The following PDE1A variants were observed in gnomAD, a reference collection of about 807,000 sequenced individuals.
PDE1A encodes dual specificity calcium/calmodulin-dependent 3',5'-cyclic nucleotide phosphodiesterase 1A.
A neutral mutation model predicts 61.7 loss-of-function variants in PDE1A; 35 were observed. The ratio of observed to expected loss-of-function variants is 0.57; its 90% CI spans 0.43 to 0.75. The LOEUF is 0.75. PDE1A is among the 30% of genes least tolerant of loss of function. The pLI is 0.00. For missense variants in PDE1A, 597 were observed against 630.6 expected, an observed-to-expected ratio of 0.95 and a Z score of 0.57; for synonymous variants, 232 against 213.2, an observed-to-expected ratio of 1.09 and a Z score of -0.77.
chr2:182,594,170 CA>C, the PDE1A span, among the ~76,000 whole-genome samples: 2 of 152,158 alleles, frequency 1.3e-5, no homozygotes, highest in African/African-American at 4.8e-5. Flanking sequence ...ATATTTTAAA[CA>C]ACCTAGTCCT....
intron 1 of PDE1A, among the ~76,000 whole-genome samples, chr2:182,365,830 C>T (rs370675414): frequency 1.3e-5 from 2 of 152,088 alleles, no homozygotes; most frequent in African/African-American, 4.8e-5. Context: ...CTCCATGTAA[C>T]TGAAATCAAA....
At chr2:182,304,237 C>T (rs184097747) in intron 1 of PDE1A, among the ~76,000 whole-genome samples, 89 of 152,292 alleles carry the variant, frequency 5.8e-4, no homozygotes, top group African/African-American at 1.7e-3. Context: ...CAAAATTCTT[C>T]TTCTGCAGCT....
At chr2:182,170,537 T>C (rs995439160) in intron 13 of PDE1A, among the ~76,000 whole-genome samples, 2 of 152,026 alleles carry the variant, frequency 1.3e-5, no homozygotes, top group African/African-American at 4.8e-5. Context: ...TCCTACCGCA[T>C]AGCTATACCA....
At chr2:182,418,267 A>C (rs545296512) in intron 1 of PDE1A, among the ~76,000 whole-genome samples, 2 of 152,224 alleles carry the variant, frequency 1.3e-5, no homozygotes, top group African/African-American at 4.8e-5. Context: ...ACACTTGGTA[A>C]AAATCAATTA....
chr2:182,293,888 G>A (rs901195727), intron 1 of PDE1A, among the ~76,000 whole-genome samples: 2 of 152,150 alleles, frequency 1.3e-5, no homozygotes, highest in Admixed American at 6.5e-5. Flanking sequence ...GTAGTGTTAA[G>A]CTACTAATGA....
chr2:182,269,604 G>A (rs553679318), intron 1 of PDE1A, among the ~76,000 whole-genome samples: 3 of 151,972 alleles, frequency 2.0e-5, no homozygotes, highest in African/African-American at 2.4e-5. Context: ...CTCATTCTAG[G>A]TGACCAAATT....
chr2:182,531,519 T>C, the PDE1A span, among the ~76,000 whole-genome samples: 3 of 152,122 alleles, frequency 2.0e-5, no homozygotes, highest in Non-Finnish European at 4.4e-5. Flanking sequence ...TTTAAGTTCA[T>C]TAAGAAGATA....
At chr2:182,387,620 G>T (rs1701190276) in intron 1 of PDE1A, among the ~76,000 whole-genome samples, 1 of 152,064 alleles carries the variant, frequency 6.6e-6, no homozygotes, top group Admixed American at 6.5e-5. Flanking sequence ...AGCCAGGTGT[G>T]GTGGCGCAAG....
the PDE1A span, among the ~76,000 whole-genome samples, chr2:182,708,097 T>C: frequency 1.9e-4 from 29 of 152,278 alleles, no homozygotes; most frequent in African/African-American, 6.7e-4. Context: ...ATATTATATA[T>C]ATGTACCAAA....
At chr2:182,263,302 C>A (rs1312485507) in intron 2 of PDE1A, among the ~76,000 whole-genome samples, 1 of 152,036 alleles carries the variant, frequency 6.6e-6, no homozygotes, top group Non-Finnish European at 1.5e-5. Context: ...CTCCTGGGGA[C>A]CATTTGTGGG....
intron 2 of PDE1A, among the ~76,000 whole-genome samples, chr2:182,516,083 CA>C (rs1443549353): frequency 4.0e-5 from 6 of 151,682 alleles, no homozygotes; most frequent in Non-Finnish European, 1.5e-5. Flanking sequence ...GCTACTGTAA[CA>C]AATTTACCAC....
At chr2:182,644,932 T>A in the PDE1A span, among the ~76,000 whole-genome samples, 1 of 151,932 alleles carries the variant, frequency 6.6e-6, no homozygotes, top group African/African-American at 2.4e-5. Context: ...AGTATAGTAA[T>A]TTAAAATGAA....
At chr2:182,302,115 T>C (rs1695282683) in intron 1 of PDE1A, among the ~76,000 whole-genome samples, 1 of 152,142 alleles carries the variant, frequency 6.6e-6, no homozygotes, top group Non-Finnish European at 1.5e-5. Context: ...TTAATAGTGG[T>C]AGGCTGGATT....
At chr2:182,657,178 G>A in the PDE1A span, among the ~76,000 whole-genome samples, 19 of 152,134 alleles carry the variant, frequency 1.2e-4, no homozygotes, top group African/African-American at 3.9e-4. Flanking sequence ...AGCCAAGGTC[G>A]CGCCACTGCA....
intron 10 of PDE1A, among the ~76,000 whole-genome samples, chr2:182,189,755 C>T (rs914156482): frequency 4.6e-5 from 7 of 152,146 alleles, no homozygotes; most frequent in African/African-American, 1.7e-4. Context: ...TTTTCATCTT[C>T]TAAAACAAAG....
At chr2:182,528,459 A>C in the PDE1A span, among the ~76,000 whole-genome samples, 4 of 152,234 alleles carry the variant, frequency 2.6e-5, no homozygotes, top group East Asian at 1.9e-4. Flanking sequence ...AAAAGCATTC[A>C]GTTTTAAAAG....
chr2:182,655,120 A>G, the PDE1A span, among the ~76,000 whole-genome samples: 1 of 152,222 alleles, frequency 6.6e-6, no homozygotes, highest in Non-Finnish European at 1.5e-5. Flanking sequence ...GAAGATGCCA[A>G]TGTCTGCCTC....
chr2:182,155,084 C>CTATTTTTTTT (rs1690999697), intron 13 of PDE1A, among the ~76,000 whole-genome samples: 1 of 111,542 alleles, frequency 9.0e-6, no homozygotes, highest in East Asian at 2.6e-4. Flanking sequence ...TTTAATTCTG[C>CTATTTTTTTT]TTTTTTTTTT....
chr2:182,524,071 C>T (rs941536746), upstream of PDE1A, among the ~76,000 whole-genome samples: 4 of 152,096 alleles, frequency 2.6e-5, no homozygotes, highest in African/African-American at 9.7e-5. Context: ...GAAATTAAAA[C>T]TTCATTCCTA....
Sources: gnomAD v4.1 joint callset for allele counts (sites outside exome capture counted in the v4.1 genomes callset) on GRCh38, gnomAD v4.1.1 for gene constraint, MANE v1.5 for transcripts, NCBI Gene and HGNC (gene_info 2026-07-23, HGNC 2026-07-21) for gene names.